DLGAP1: variants seen among roughly 807,000 people sequenced by gnomAD.
DLGAP1 encodes the protein disks large-associated protein 1.
In DLGAP1, 11 loss-of-function variants were observed where a neutral mutation model predicts 90.8. That is an observed-to-expected ratio of 0.12 (90% CI 0.08 to 0.20). DLGAP1 has a LOEUF of 0.20. Ranked by LOEUF, DLGAP1 falls within the 10% of genes least tolerant of loss-of-function variation. DLGAP1 has a pLI of 1.00. For synonymous variants in DLGAP1, 558 were observed against 540.7 expected (o/e 1.03, Z -0.44); for missense variants, 1,050 against 1,333.8 (o/e 0.79, Z 3.31).
chr18:4,153,749 T>C (rs1211655384), intron 1 of DLGAP1, among the ~76,000 whole-genome samples: 1 of 152,202 alleles, frequency 6.6e-6, no homozygotes, highest in Non-Finnish European at 1.5e-5. Flanking sequence ...TGTCTTTTTC[T>C]AGAATCAGCT....
chr18:3,939,180 T>TGGCA (rs1555711732), intron 3 of DLGAP1, among the ~76,000 whole-genome samples: 4 of 151,432 alleles, frequency 2.6e-5, no homozygotes, highest in Admixed American at 2.0e-4. Flanking sequence ...CCCAGCACTT[T>TGGCA]GGCCAAGGTG....
rs77118970 is a variant in DLGAP1 at position 4,451,606 on chromosome 18, C to G, written c.-267+3400G>C. 3.9e-5 allele frequency among the ~76,000 whole-genome samples: 6 copies of G among 152,208 alleles called. 1 individual carries two copies. In the South Asian group the frequency reaches 1.2e-3, roughly 32 times the overall value. On this transcript the variant is annotated intron_variant, in intron 1 of 12. Coordinates refer to ENST00000315677, the MANE Select transcript of DLGAP1 (RefSeq NM_004746.4). ...CACAACTAGAGAAAGTCACCTTCAT[C>G]GGGCAGTAACAAGAATCGAGCTACA...
intron 5 of DLGAP1, among the ~76,000 whole-genome samples, chr18:3,746,836 A>G (rs1352457766): frequency 2.0e-5 from 3 of 152,226 alleles, no homozygotes; most frequent in African/African-American, 7.2e-5. Context: ...GATATTCCCT[A>G]TATTCTAAGT....
At chr18:3,779,645 T>C (rs887543348) in intron 5 of DLGAP1, among the ~76,000 whole-genome samples, 1 of 152,144 alleles carries the variant, frequency 6.6e-6, no homozygotes, top group Non-Finnish European at 1.5e-5. Context: ...TTGTTTAAGA[T>C]CCAGTTTAAA....
chr18:4,384,233 T>C (rs924196266), intron 1 of DLGAP1, among the ~76,000 whole-genome samples: 3 of 152,168 alleles, frequency 2.0e-5, no homozygotes, highest in Non-Finnish European at 4.4e-5. Context: ...TAAATTTTCA[T>C]TGTGAAGGCA....
At chr18:3,690,094 G>GTTTTT (rs77999372) in intron 7 of DLGAP1, among the ~76,000 whole-genome samples, 7 of 116,892 alleles carry the variant, frequency 6.0e-5, no homozygotes, top group Non-Finnish European at 1.0e-4. Flanking sequence ...GCTGGGTGAG[G>GTTTTT]TTTTTTTTTT....
intron 1 of DLGAP1, among the ~76,000 whole-genome samples, chr18:4,399,446 G>C (rs1030462260): frequency 1.3e-5 from 2 of 152,122 alleles, no homozygotes; most frequent in African/African-American, 4.8e-5. Context: ...CCATCTTACA[G>C]GTGATGAAAC....
intron 3 of DLGAP1, among the ~76,000 whole-genome samples, chr18:3,902,711 A>C (rs1329512510): frequency 6.6e-6 from 1 of 152,314 alleles, no homozygotes; most frequent in East Asian, 1.9e-4. Context: ...AAACTAAAAG[A>C]CATTTTAGTT....
At chr18:4,161,144 T>G (rs1312638734) in intron 1 of DLGAP1, among the ~76,000 whole-genome samples, 1 of 151,994 alleles carries the variant, frequency 6.6e-6, no homozygotes, top group African/African-American at 2.4e-5. Flanking sequence ...TAGATAAACA[T>G]GTGCCATGGT....
At chr18:3,871,294 T>C (rs970983073) in intron 4 of DLGAP1, among the ~76,000 whole-genome samples, 7 of 152,218 alleles carry the variant, frequency 4.6e-5, no homozygotes, top group Admixed American at 3.3e-4. Context: ...GATAGGAAGA[T>C]ACAATGTCCG....
intron 9 of DLGAP1, among the ~76,000 whole-genome samples, chr18:3,555,679 G>A (rs1016435896): frequency 2.0e-5 from 3 of 152,062 alleles, no homozygotes; most frequent in South Asian, 4.1e-4. Context: ...GTGTAGTGGC[G>A]TGTGCCTATA....
intron 4 of DLGAP1, among the ~76,000 whole-genome samples, chr18:3,867,018 A>AT (rs1418426994): frequency 4.6e-5 from 7 of 151,998 alleles, no homozygotes; most frequent in South Asian, 2.1e-4. Flanking sequence ...CACCCGGCTA[A>AT]TTTTTTTGTA....
chr18:3,520,316 C>T (rs909940471), intron 10 of DLGAP1, among the ~76,000 whole-genome samples: 3 of 152,194 alleles, frequency 2.0e-5, no homozygotes, highest in African/African-American at 7.2e-5. Context: ...AGATGTCTGG[C>T]AGCATCCTCA....
chr18:3,586,441 T>G (rs2055891751), intron 7 of DLGAP1, among the ~76,000 whole-genome samples: 1 of 152,084 alleles, frequency 6.6e-6, no homozygotes, highest in African/African-American at 2.4e-5. Flanking sequence ...TGAGCGGCAC[T>G]GTCCAGTCAT....
In DLGAP1 at chr18:3,880,079, A is replaced by C. The variant is rs1442777888; in HGVS notation, c.-11T>G. 28 of 1,597,064 alleles carry C rather than the reference A, an allele frequency of 1.8e-5. No individual in the cohort carries two copies. The Admixed American group carries it at 2.8e-4, about 16-fold the overall frequency. On this transcript the variant is annotated 5_prime_UTR_variant, in exon 4 of 13. Coordinates refer to ENST00000315677, the MANE Select transcript of DLGAP1 (RefSeq NM_004746.4). Reference sequence around the variant, plus strand: ...TGATAGCCCTTTCATGGCGGACCGGAAGCAGCCGCCAGGGTCATGGACACC... The same window carrying C: ...TGATAGCCCTTTCATGGCGGACCGGCAGCAGCCGCCAGGGTCATGGACACC...
At chr18:4,302,386 T>C (rs2080146061) in intron 1 of DLGAP1, among the ~76,000 whole-genome samples, 2 of 152,234 alleles carry the variant, frequency 1.3e-5, no homozygotes, top group Admixed American at 6.5e-5. Flanking sequence ...CCTGACATCA[T>C]TTATTGAAGA....
chr18:3,600,724 A>C lies in DLGAP1; in HGVS notation c.1592-18476T>G, dbSNP rs1265387179. Among the ~76,000 whole-genome samples, 320 of 41,618 alleles carry C rather than the reference A, an allele frequency of 7.7e-3. 35 individuals are homozygous for C. In the East Asian group the frequency reaches 0.092, roughly 12 times the overall value. 27.3% of individuals were successfully genotyped at this position (41,618 alleles called of 152,430 possible). On this transcript the variant is annotated intron_variant, in intron 7 of 12. Coordinates refer to ENST00000315677, the MANE Select transcript of DLGAP1 (RefSeq NM_004746.4). ...TATCTATAGCTATATAGATATAGAG[A>C]TATAGATATATATAGATATATAGAT...
At chr18:3,889,712 C>T (rs2071410130) in intron 3 of DLGAP1, among the ~76,000 whole-genome samples, 1 of 152,188 alleles carries the variant, frequency 6.6e-6, no homozygotes, top group Admixed American at 6.5e-5. Context: ...CATGCAGAGC[C>T]TTCACTGAGC....
rs34036156 is a variant in DLGAP1, at chr18:3,552,965, G to GT, written c.2057+14524dup. Among the ~76,000 whole-genome samples the GT allele has an allele frequency of 2.7e-4, 41 of 149,738 alleles. 1 individual carries two copies. Among genetic ancestry groups the GT allele is most frequent in the East Asian group, 2.4e-3 (12 of 5,076 alleles). On this transcript the variant is annotated intron_variant, in intron 9 of 12. Coordinates refer to ENST00000315677, the MANE Select transcript of DLGAP1 (RefSeq NM_004746.4). The stretch of plus-strand genomic sequence containing the variant: ...GCTTTCTAGCTTGCTAAATTTTGCT[G>GT]TTTTTTTTTTTCTCTCTTGTTCTCT...
Sources: allele counts gnomAD v4.1 joint callset (sites outside exome capture counted in the v4.1 genomes callset), GRCh38; gene constraint gnomAD v4.1.1; transcripts MANE v1.5; gene names NCBI Gene and HGNC (gene_info 2026-07-23, HGNC 2026-07-21).